Variants in CLIC2 observed in about 807,000 individuals in gnomAD.
The protein encoded by CLIC2 is CLIC family member 2.
A neutral mutation model predicts 14.8 loss-of-function variants in CLIC2; 9 were observed. The observed-to-expected ratio is 0.61, with a 90% CI of 0.37 to 1.06. The LOEUF is 1.06. CLIC2 is among the 50% of genes least tolerant of loss of function. The probability of loss-of-function intolerance (pLI) is 0.01; values close to 1 mark genes in which losing one functional copy is unlikely to be tolerated. For synonymous variants in CLIC2, 61 were observed against 66.3 expected (o/e 0.92, Z 0.39); for missense variants, 148 against 181.4 (o/e 0.82, Z 1.06).
At chrX:155,296,747 A>G (rs1350877310) in intron 3 of CLIC2, among the ~76,000 whole-genome samples, 2 of 111,802 alleles carry the variant, frequency 1.8e-5, no homozygotes, top group South Asian at 3.7e-4. Flanking sequence ...GCAAACCAAA[A>G]CCAAAATGAG....
intron 3 of CLIC2, among the ~76,000 whole-genome samples, chrX:155,287,532 C>T (rs113981866): frequency 0.046 from 5,057 of 110,679 alleles, 289 homozygotes; most frequent in African/African-American, 0.16. Flanking sequence ...TGGGGTTTCA[C>T]CATGTTGGCC....
At chrX:155,325,061 C>G (rs1036372862) in intron 1 of CLIC2, among the ~76,000 whole-genome samples, 1 of 112,053 alleles carries the variant, frequency 8.9e-6, no homozygotes, top group Non-Finnish European at 1.9e-5. Context: ...CAATGAGATA[C>G]CATCTCACAT....
intron 3 of CLIC2, among the ~76,000 whole-genome samples, chrX:155,284,866 T>C (rs1197792571): frequency 8.9e-6 from 1 of 112,078 alleles, no homozygotes; most frequent in African/African-American, 3.2e-5. Context: ...ATTGATGGGC[T>C]GAGGGTTGGA....
At chrX:155,331,059 G>T in intron 1 of CLIC2, among the ~76,000 whole-genome samples, 1 of 110,949 alleles carries the variant, frequency 9.0e-6, no homozygotes, top group South Asian at 3.8e-4. Flanking sequence ...CTTTATGATG[G>T]CAGGGTGTGA....
At chrX:155,316,533 A>T (rs782247587) in intron 1 of CLIC2, among the ~76,000 whole-genome samples, 1 of 111,781 alleles carries the variant, frequency 8.9e-6, no homozygotes, top group South Asian at 3.7e-4. Flanking sequence ...AATGAAATGA[A>T]GATGGAAATC....
chrX:155,333,319 G>A (rs2124228373), intron 1 of CLIC2, among the ~76,000 whole-genome samples: 1 of 111,113 alleles, frequency 9.0e-6, no homozygotes, highest in South Asian at 3.7e-4. Context: ...TAGAAATGAT[G>A]AGAACAACAT....
intron 1 of CLIC2, among the ~76,000 whole-genome samples, chrX:155,328,084 C>T (rs1253080153): frequency 9.0e-6 from 1 of 111,012 alleles, no homozygotes; most frequent in Non-Finnish European, 1.9e-5. Flanking sequence ...GAAATCCTGT[C>T]CTCTAAGATT....
intron 1 of CLIC2, among the ~76,000 whole-genome samples, chrX:155,330,469 A>G (rs1450091392): frequency 1.8e-5 from 2 of 111,593 alleles, no homozygotes; most frequent in African/African-American, 3.2e-5. Flanking sequence ...AAGGCAAATT[A>G]AAACCACAAT....
chrX:155,283,026 G>A (rs2074925898), intron 3 of CLIC2, among the ~76,000 whole-genome samples: 1 of 111,463 alleles, frequency 9.0e-6, no homozygotes, highest in Non-Finnish European at 1.9e-5. Context: ...GGCTCCAACC[G>A]AGTCCAAAAA....
chrX:155,304,770 A>C (rs6655067), intron 1 of CLIC2, among the ~76,000 whole-genome samples: 22,567 of 65,027 alleles, frequency 0.35, 6,876 homozygotes, highest in Middle Eastern at 0.57. Context: ...TGTGGATGTC[A>C]TTTCTGTTTG....
At chrX:155,278,200 G>C (rs2074905505) in intron 5 of CLIC2, 136 bp from the exon 6 acceptor site, 1 of 519,960 alleles carries the variant, frequency 1.9e-6, no homozygotes, top group African/African-American at 2.3e-5. Flanking sequence ...CTATGAAGTA[G>C]ACACGAATCT....
intron 3 of CLIC2, among the ~76,000 whole-genome samples, chrX:155,297,246 G>A (rs1377689992): frequency 9.0e-6 from 1 of 111,044 alleles, no homozygotes; most frequent in Non-Finnish European, 1.9e-5. Flanking sequence ...CTTATATGTG[G>A]GAGTTAAAAA....
At chrX:155,300,081 G>C (rs1557318862) in intron 1 of CLIC2, among the ~76,000 whole-genome samples, 1 of 108,476 alleles carries the variant, frequency 9.2e-6, no homozygotes, top group African/African-American at 3.4e-5. Context: ...TAGTTCTTTG[G>C]GTATATACCC....
At chrX:155,298,682 A>T (rs2075003603) in intron 3 of CLIC2, 103 bp downstream of exon 3, 1 of 985,532 alleles carries the variant, frequency 1.0e-6, no homozygotes, top group African/African-American at 1.9e-5. Context: ...ATGTAGGCCC[A>T]GAAATCCAAA....
At chrX:155,292,364 A>C in intron 3 of CLIC2, 1 of 562,227 alleles carries the variant, frequency 1.8e-6, no homozygotes, top group Non-Finnish European at 3.3e-6. Flanking sequence ...AGGAATATCC[A>C]GCCAAACATG....
intron 1 of CLIC2, among the ~76,000 whole-genome samples, chrX:155,321,275 G>C (rs1557321606): frequency 9.0e-6 from 1 of 111,178 alleles, no homozygotes; most frequent in East Asian, 2.8e-4. Context: ...GATTCACCAA[G>C]GTTGAAATGA....
At chrX:155,304,267 G>T (rs1405499682) in intron 1 of CLIC2, among the ~76,000 whole-genome samples, 1 of 98,363 alleles carries the variant, frequency 1.0e-5, no homozygotes, top group African/African-American at 3.7e-5. Context: ...TTTCTTGGAG[G>T]CTTTGCTCAT....
intron 1 of CLIC2, among the ~76,000 whole-genome samples, chrX:155,326,295 T>C (rs782478615): frequency 1.8e-4 from 20 of 111,552 alleles, no homozygotes; most frequent in African/African-American, 5.2e-4. Context: ...GCAAAGGACA[T>C]GGACAGACAT....
intron 3 of CLIC2, 52 bp from the exon 4 acceptor site, chrX:155,280,120 C>T: frequency 1.2e-6 from 1 of 855,152 alleles, no homozygotes; most frequent in Non-Finnish European, 1.7e-6. Context: ...TGACAGAGAC[C>T]AGGTGCCCTA....
Sources: gnomAD v4.1 joint callset for allele counts (sites outside exome capture counted in the v4.1 genomes callset) on GRCh38, gnomAD v4.1.1 for gene constraint, MANE v1.5 for transcripts, NCBI Gene and HGNC (gene_info 2026-07-23, HGNC 2026-07-21) for gene names.